The following ADGRB3 variants were observed in gnomAD, a reference collection of about 807,000 sequenced individuals.
The protein encoded by ADGRB3 is adhesion G protein-coupled receptor B3.
In ADGRB3, 37 loss-of-function variants were observed where a neutral mutation model predicts 193.4. The observed-to-expected ratio is 0.19, with a 90% CI of 0.15 to 0.25. The LOEUF (loss-of-function observed/expected upper bound fraction) is 0.25, where lower values mean the gene tolerates loss of function less well. Ranked by LOEUF, ADGRB3 falls within the 10% of genes least tolerant of loss-of-function variation. The pLI is 1.00. For synonymous variants in ADGRB3, 690 were observed against 644.2 expected (o/e 1.07, Z -1.08); for missense variants, 1,637 against 1,852.9 (o/e 0.88, Z 2.14).
intron 17 of ADGRB3, among the ~76,000 whole-genome samples, chr6:69,159,868 C>G (rs1774938324): frequency 6.6e-6 from 1 of 152,122 alleles, no homozygotes. Context: ...ATTCCAGAAC[C>G]TATAATGCAC....
At chr6:68,870,014 AG>A (rs1207325420) in intron 3 of ADGRB3, among the ~76,000 whole-genome samples, 2 of 152,186 alleles carry the variant, frequency 1.3e-5, no homozygotes, top group Non-Finnish European at 2.9e-5. Context: ...CTTGATCTCA[AG>A]TAGTCCGCCT....
At chr6:68,777,974 C>A (rs1766781160) in intron 3 of ADGRB3, among the ~76,000 whole-genome samples, 1 of 151,982 alleles carries the variant, frequency 6.6e-6, no homozygotes, top group Non-Finnish European at 1.5e-5. Context: ...AAGCAATGAA[C>A]CAACAAAGCC....
intron 20 of ADGRB3, among the ~76,000 whole-genome samples, chr6:69,260,893 T>C (rs1003067160): frequency 6.6e-6 from 1 of 152,188 alleles, no homozygotes; most frequent in African/African-American, 2.4e-5. Flanking sequence ...TAGTCTAAAC[T>C]GTATTTAGGA....
chr6:68,969,690 C>G (rs1197091585), intron 8 of ADGRB3, among the ~76,000 whole-genome samples: 1 of 152,176 alleles, frequency 6.6e-6, no homozygotes. Context: ...TCCTTGACCC[C>G]TTTGTCTTCC....
At chr6:68,728,834 T>A (rs1430370133) in intron 3 of ADGRB3, among the ~76,000 whole-genome samples, 1 of 151,592 alleles carries the variant, frequency 6.6e-6, no homozygotes, top group Admixed American at 6.6e-5. Context: ...GCCAATAAAC[T>A]GTATTATGTG....
chr6:69,102,385 A>G (rs1773085594), intron 17 of ADGRB3, among the ~76,000 whole-genome samples: 1 of 152,210 alleles, frequency 6.6e-6, no homozygotes, highest in Non-Finnish European at 1.5e-5. Flanking sequence ...GAGCGTGGAA[A>G]CATATTTCAA....
intron 3 of ADGRB3, among the ~76,000 whole-genome samples, chr6:68,868,526 A>G (rs1244949402): frequency 6.6e-6 from 1 of 152,308 alleles, no homozygotes; most frequent in Non-Finnish European, 1.5e-5. Context: ...ATAACACTAT[A>G]ATTTTTTAAC....
intron 13 of ADGRB3, among the ~76,000 whole-genome samples, chr6:69,033,350 AT>A (rs1770767919): frequency 6.6e-6 from 1 of 152,118 alleles, no homozygotes; most frequent in South Asian, 2.1e-4. Context: ...TTAATTTTGT[AT>A]TTTTTTCCTT....
At chr6:68,963,598 C>T (rs1255666416) in intron 8 of ADGRB3, among the ~76,000 whole-genome samples, 1 of 152,036 alleles carries the variant, frequency 6.6e-6, no homozygotes, top group East Asian at 1.9e-4. Flanking sequence ...GCAGATGCAG[C>T]CTCTGGTTTC....
intron 3 of ADGRB3, among the ~76,000 whole-genome samples, chr6:68,896,800 G>A (rs1242533602): frequency 6.6e-6 from 1 of 151,952 alleles, no homozygotes; most frequent in Non-Finnish European, 1.5e-5. Context: ...CTGTCTACTG[G>A]GCTAGACACC....
chr6:69,025,649 T>A (rs1214405593), intron 13 of ADGRB3, among the ~76,000 whole-genome samples: 1 of 152,100 alleles, frequency 6.6e-6, no homozygotes, highest in African/African-American at 2.4e-5. Context: ...GCTAAACACC[T>A]GAAGCTAGTG....
At chr6:69,270,501 A>AAT (rs1337195741) in intron 20 of ADGRB3, among the ~76,000 whole-genome samples, 2 of 152,204 alleles carry the variant, frequency 1.3e-5, no homozygotes, top group Non-Finnish European at 2.9e-5. Flanking sequence ...AGAAAAGAAA[A>AAT]TAACACTATA....
chr6:69,010,980 T>C (rs1769916779), intron 11 of ADGRB3, among the ~76,000 whole-genome samples: 2 of 151,964 alleles, frequency 1.3e-5, no homozygotes, highest in South Asian at 4.1e-4. Context: ...GCTTCATACT[T>C]TGAAAAATTC....
intron 20 of ADGRB3, among the ~76,000 whole-genome samples, chr6:69,242,293 G>C (rs1010358182): frequency 6.6e-6 from 1 of 151,832 alleles, no homozygotes; most frequent in African/African-American, 2.4e-5. Flanking sequence ...TTTTGTATAG[G>C]ATCCCTTTGC....
intron 13 of ADGRB3, among the ~76,000 whole-genome samples, chr6:69,024,112 A>G (rs971940892): frequency 6.6e-6 from 1 of 152,200 alleles, no homozygotes; most frequent in Non-Finnish European, 1.5e-5. Context: ...TATCAATACA[A>G]TAATAAAATA....
intron 3 of ADGRB3, among the ~76,000 whole-genome samples, chr6:68,712,347 C>G (rs763019099): frequency 2.0e-5 from 3 of 151,980 alleles, no homozygotes; most frequent in Non-Finnish European, 2.9e-5. Flanking sequence ...TCAGTAGCTA[C>G]TATTTCAAAT....
intron 3 of ADGRB3, among the ~76,000 whole-genome samples, chr6:68,686,045 A>G (rs2127300003): frequency 6.6e-6 from 1 of 152,312 alleles, no homozygotes; most frequent in Non-Finnish European, 1.5e-5. Context: ...TGAAGAAAAT[A>G]TGTGTCCTTT....
chr6:68,727,615 A>G (rs1257443058), intron 3 of ADGRB3, among the ~76,000 whole-genome samples: 1 of 151,528 alleles, frequency 6.6e-6, no homozygotes, highest in African/African-American at 2.4e-5. Context: ...TTAGACTAAA[A>G]AAAAGTTCAT....
At chr6:68,772,894 A>AATATAT (rs1208790675) in intron 3 of ADGRB3, among the ~76,000 whole-genome samples, 48 of 22,824 alleles carry the variant, frequency 2.1e-3, no homozygotes, top group South Asian at 9.7e-3. Flanking sequence ...AAAAAAAAAA[A>AATATAT]ATATATATAT....
Sources: gnomAD v4.1 joint callset for allele counts (sites outside exome capture counted in the v4.1 genomes callset) on GRCh38, gnomAD v4.1.1 for gene constraint, MANE v1.5 for transcripts, NCBI Gene and HGNC (gene_info 2026-07-23, HGNC 2026-07-21) for gene names.